Variants in SHTN1 observed in about 807,000 individuals in gnomAD.
The protein encoded by SHTN1 is shootin 1.
In SHTN1, 42 loss-of-function variants were observed where a neutral mutation model predicts 83.1. The ratio of observed to expected loss-of-function variants is 0.51; its 90% confidence interval spans 0.39 to 0.65. The LOEUF is 0.65. SHTN1 is among the 30% of genes least tolerant of loss of function. The probability of loss-of-function intolerance (pLI) is 0.00; values close to 1 mark genes in which losing one functional copy is unlikely to be tolerated. For synonymous variants in SHTN1, 224 were observed against 247.7 expected, an observed-to-expected ratio of 0.90 and a Z score of 0.90; for missense variants, 622 against 737.8, an observed-to-expected ratio of 0.84 and a Z score of 1.82.
intron 9 of SHTN1, among the ~76,000 whole-genome samples, chr10:116,935,234 T>C (rs1849111607): frequency 1.3e-5 from 2 of 152,236 alleles, no homozygotes; most frequent in South Asian, 4.1e-4. Flanking sequence ...GGCATCCTTG[T>C]CATGTGCCAG....
intron 1 of SHTN1, among the ~76,000 whole-genome samples, chr10:117,066,437 A>G (rs1206512970): frequency 6.6e-6 from 1 of 152,222 alleles, no homozygotes; most frequent in Non-Finnish European, 1.5e-5. Flanking sequence ...TAAAATTGGG[A>G]CATGGTGATA....
chr10:117,000,002 T>A (rs1851768545), intron 1 of SHTN1, among the ~76,000 whole-genome samples: 1 of 152,162 alleles, frequency 6.6e-6, no homozygotes, highest in Non-Finnish European at 1.5e-5. Flanking sequence ...ACACTGCATG[T>A]TCATCTCATG....
At chr10:116,932,296 G>A (rs1186900240) in intron 9 of SHTN1, among the ~76,000 whole-genome samples, 1 of 152,158 alleles carries the variant, frequency 6.6e-6, no homozygotes, top group Admixed American at 6.5e-5. Context: ...GCACGAGCAA[G>A]CATTACCGCC....
At position 116,901,839 on chromosome 10, in the gene SHTN1, C is replaced by T. The variant is rs371326209; in HGVS notation, c.1599G>A (p.Pro533=). The T allele has an allele frequency of 2.2e-5, 36 of 1,604,510 alleles. No homozygotes were observed. The highest frequency in any genetic ancestry group is 3.5e-5 in the Admixed American group (2 of 57,124). ...CACCTGGCTCAGGTGTTGGGGGGGA[C>T]GGGCTGTTGAATTCTGCCTCCAGAG... The part of the protein sequence containing the change: ...KKTLEAEFNS[P]SPPTPEPGEG... The change falls in exon 16 of 17, where the codon CCG becomes CCA. Residue 533 remains proline, a synonymous_variant. Coordinates refer to ENST00000355371, the MANE Select transcript of SHTN1 (RefSeq NM_001127211.3).
chr10:117,098,224 T>TAAAAA lies in SHTN1; in HGVS notation c.-189+28078_-189+28082dup, dbSNP rs34407973. On this transcript the variant is annotated intron_variant, in intron 1 of 17. Transcript: ENST00000392901. Reference sequence around the variant, plus strand: ...TAACACGGTGAAATCCCGTCTCTACTAAAAAAAAAAAAAAAAAAAAAAATT... The same window carrying TAAAAA: ...TAACACGGTGAAATCCCGTCTCTACTAAAAAAAAAAAAAAAAAAAAAAAAAAAATT... Among the ~76,000 whole-genome samples the TAAAAA allele has an allele frequency of 7.1e-5, 8 of 113,436 alleles. No homozygotes were observed. The East Asian group carries it at 1.8e-3, about 26-fold the overall frequency. 74.4% of individuals were successfully genotyped at this position (113,436 alleles called of 152,430 possible). A position where few individuals can be genotyped will look rare whatever the true frequency, so the allele number is the denominator to read the frequency against.
intron 2 of SHTN1, among the ~76,000 whole-genome samples, chr10:117,010,903 A>G (rs1168874464): frequency 6.6e-6 from 1 of 152,222 alleles, no homozygotes; most frequent in Non-Finnish European, 1.5e-5. Context: ...TTAGCAAACC[A>G]GTAATAGATG....
At chr10:116,935,103 T>A (rs1014245229) in intron 9 of SHTN1, among the ~76,000 whole-genome samples, 4 of 152,226 alleles carry the variant, frequency 2.6e-5, no homozygotes, top group African/African-American at 9.6e-5. Context: ...AATCATGTCA[T>A]CTGCAAACAG....
At chr10:116,967,923 C>T (rs1395317163) in intron 3 of SHTN1, among the ~76,000 whole-genome samples, 1 of 152,208 alleles carries the variant, frequency 6.6e-6, no homozygotes, top group Admixed American at 6.5e-5. Context: ...GTGGCTCCCG[C>T]CTGTAATTCC....
At chr10:116,929,320 T>C (rs1230744273) in intron 10 of SHTN1, among the ~76,000 whole-genome samples, 5 of 152,196 alleles carry the variant, frequency 3.3e-5, no homozygotes, top group African/African-American at 1.2e-4. Context: ...GATTTAAGTA[T>C]CCCCTGGTGT....
intron 2 of SHTN1, among the ~76,000 whole-genome samples, chr10:117,017,630 T>C (rs1334911071): frequency 6.6e-6 from 1 of 152,198 alleles, no homozygotes; most frequent in Non-Finnish European, 1.5e-5. Flanking sequence ...AAAAGTGTTA[T>C]TTTAGATTTC....
At chr10:116,982,843 T>C (rs1851076032) in intron 1 of SHTN1, among the ~76,000 whole-genome samples, 1 of 151,980 alleles carries the variant, frequency 6.6e-6, no homozygotes, top group Admixed American at 6.6e-5. Flanking sequence ...ACGCCTGTAA[T>C]CCTAGCTACT....
At chr10:116,921,045 C>G (rs1032524534) in intron 12 of SHTN1, among the ~76,000 whole-genome samples, 1 of 152,146 alleles carries the variant, frequency 6.6e-6, no homozygotes, top group Non-Finnish European at 1.5e-5. Flanking sequence ...ACTTCTATAT[C>G]GTGTACCTCC....
intron 1 of SHTN1, among the ~76,000 whole-genome samples, chr10:117,116,987 G>T (rs1172861585): frequency 6.6e-6 from 1 of 152,002 alleles, no homozygotes; most frequent in African/African-American, 2.4e-5. Flanking sequence ...TTTCCTCTAA[G>T]ATGTGGAACA....
At chr10:117,101,872 G>C (rs1853599141) in intron 1 of SHTN1, among the ~76,000 whole-genome samples, 1 of 152,000 alleles carries the variant, frequency 6.6e-6, no homozygotes, top group Non-Finnish European at 1.5e-5. Context: ...TCCAACATGA[G>C]ATTTGATGGT....
chr10:117,099,066 T>C (rs1853550983), intron 1 of SHTN1, among the ~76,000 whole-genome samples: 1 of 145,448 alleles, frequency 6.9e-6, no homozygotes, highest in South Asian at 2.2e-4. Flanking sequence ...AACAAAATAA[T>C]GTCTTTTGCA....
chr10:116,969,682 T>C (rs925102078), intron 2 of SHTN1, among the ~76,000 whole-genome samples: 1 of 152,164 alleles, frequency 6.6e-6, no homozygotes, highest in Non-Finnish European at 1.5e-5. Flanking sequence ...CAAAAATAAC[T>C]ATTAGAGCAT....
At chr10:117,110,025 G>A (rs1853743129) in intron 1 of SHTN1, among the ~76,000 whole-genome samples, 1 of 152,134 alleles carries the variant, frequency 6.6e-6, no homozygotes, top group African/African-American at 2.4e-5. Flanking sequence ...GTCTACCTGA[G>A]TTTGTACTGG....
chr10:117,101,032 A>G (rs1853584537), intron 1 of SHTN1, among the ~76,000 whole-genome samples: 1 of 152,220 alleles, frequency 6.6e-6, no homozygotes, highest in African/African-American at 2.4e-5. Context: ...GAAGGTTGAG[A>G]AACCCTTGAA....
intron 4 of SHTN1, among the ~76,000 whole-genome samples, chr10:116,957,905 C>G (rs552624089): frequency 3.3e-5 from 5 of 152,122 alleles, no homozygotes; most frequent in African/African-American, 1.2e-4. Flanking sequence ...ACTAAAAACA[C>G]AGAAATTAAC....
Sources: allele counts gnomAD v4.1 joint callset (sites outside exome capture counted in the v4.1 genomes callset), GRCh38; gene constraint gnomAD v4.1.1; transcripts MANE v1.5; gene names NCBI Gene and HGNC (gene_info 2026-07-23, HGNC 2026-07-21).